GPR183: variants seen among roughly 807,000 people sequenced by gnomAD.
The protein encoded by GPR183 is EBV-induced G-protein coupled receptor 2.
A neutral mutation model predicts 19.7 loss-of-function variants in GPR183; 9 were observed. The ratio of observed to expected loss-of-function variants is 0.46; its 90% CI spans 0.28 to 0.80. The LOEUF (loss-of-function observed/expected upper bound fraction) is 0.80, where lower values mean the gene tolerates loss of function less well. GPR183 is among the 30% of genes least tolerant of loss of function. The probability of loss-of-function intolerance (pLI) is 0.13; values close to 1 mark genes in which losing one functional copy is unlikely to be tolerated. For missense variants in GPR183, 368 were observed against 446.7 expected (o/e 0.82, Z 1.59); for synonymous variants, 160 against 155.1 (o/e 1.03, Z -0.24).
At chr13:99,297,202 G>A (rs2044188961) in intron 1 of GPR183, among the ~76,000 whole-genome samples, 2 of 152,108 alleles carry the variant, frequency 1.3e-5, no homozygotes, top group Admixed American at 1.3e-4. Flanking sequence ...CTACAATAAA[G>A]TTCTGTAGAT....
intron 1 of GPR183, among the ~76,000 whole-genome samples, chr13:99,296,430 G>A (rs150275827): frequency 0.011 from 1,721 of 152,286 alleles, 41 homozygotes; most frequent in African/African-American, 0.039. Context: ...AAAGGAAACA[G>A]AACCATTTAA....
In GPR183 at chr13:99,296,193, G is replaced by A. The variant is rs746786038; in HGVS notation, c.-18-30C>T. 4.6e-6 allele frequency: 7 copies of A among 1,510,650 alleles called. No individual in the cohort carries two copies. The African/African-American group carries it at 7.0e-5, about 15-fold the overall frequency. 93.6% of individuals were successfully genotyped at this position (1,510,650 alleles called of 1,614,324 possible). On this transcript the variant is annotated intron_variant, in intron 1 of 1. Coordinates refer to ENST00000376414, the MANE Select transcript of GPR183 (RefSeq NM_004951.5). Reference sequence around the variant, plus strand: ...AAAAAAACCAAGAAGGATCATATAAGTAAAAGCATATGTATTCAGTTTGAT... The same window carrying A: ...AAAAAAACCAAGAAGGATCATATAAATAAAAGCATATGTATTCAGTTTGAT...
At chr13:99,305,291 CAT>C (rs10540867) in intron 1 of GPR183, among the ~76,000 whole-genome samples, 80,077 of 151,852 alleles carry the variant, frequency 0.53, 23,095 homozygotes, top group Non-Finnish European at 0.67. Context: ...AGGATTCTCA[CAT>C]GTGTTATCTC....
At chr13:99,297,378 A>G (rs1379526271) in intron 1 of GPR183, among the ~76,000 whole-genome samples, 2 of 152,204 alleles carry the variant, frequency 1.3e-5, no homozygotes, top group African/African-American at 4.8e-5. Context: ...TTGCTACTGT[A>G]TATTTAAAGA....
intron 1 of GPR183, among the ~76,000 whole-genome samples, chr13:99,300,807 C>T (rs2044246984): frequency 1.3e-5 from 2 of 152,214 alleles, no homozygotes; most frequent in Non-Finnish European, 2.9e-5. Flanking sequence ...TGCTGGGTTC[C>T]TCCTCATACA....
chr13:99,307,257 TTTTTACC>T (rs2044350181), intron 1 of GPR183, 76 bp downstream of exon 1: 1 of 152,192 alleles, frequency 6.6e-6, no homozygotes, highest in South Asian at 2.1e-4. Flanking sequence ...ATTGTTTTCC[TTTTTACC>T]TTTTACCTTA....
At chr13:99,305,254 C>T (rs1251623916) in intron 1 of GPR183, among the ~76,000 whole-genome samples, 4 of 151,444 alleles carry the variant, frequency 2.6e-5, no homozygotes, top group South Asian at 2.1e-4. Context: ...ACACCACAGC[C>T]ATCTGTGTTA....
rs747691054 is a variant in GPR183 at position 99,295,204 on chromosome 13, C to A, written c.942G>T (p.Gly314=). 3 of 1,614,008 alleles carry A rather than the reference C, an allele frequency of 1.9e-6. No individual in the cohort carries two copies. Among genetic ancestry groups the A allele is most frequent in the Non-Finnish European group, 2.5e-6 (3 of 1,180,026 alleles). The part of the protein sequence containing the change: ...DPFIYFFACK[G]YKRKVMRMLK... ...GCATCCTCATAACCTTTCTCTTATA[C>A]CCTTTACATGCAAAGAAGTAGATAA... Residue 314 remains glycine (G), a synonymous_variant, in exon 2 of 2, where the codon GGG becomes GGT. Transcript: ENST00000376414. The surrounding 1 kb of genome is among the most constrained non-coding windows in gnomAD (Gnocchi z 4.1).
At position 99,295,510 on chromosome 13, in the gene GPR183, A is replaced by G. The variant is rs374222791; in HGVS notation, c.636T>C (p.Ile212=). Residue 212 remains isoleucine (I), a synonymous_variant, in exon 2 of 2, where the codon ATT becomes ATC. Transcript: ENST00000376414. This position sits in a 1 kb window ranked among gnomAD's most constrained non-coding sequence, Gnocchi z 4.1. The part of the protein sequence containing the change: ...FIGYVLPLII[I]LICYSQICCK... ...AGCAGATCTGAGAATAGCAGATGAG[A>G]ATGATTATAAGTGGAAGTACATATC... 220 of 1,613,842 alleles carry G rather than the reference A, an allele frequency of 1.4e-4. No homozygotes were observed. Among genetic ancestry groups the G allele is most frequent in the Non-Finnish European group, 1.8e-4 (211 of 1,180,018 alleles).
chr13:99,301,271 G>A (rs2066530123), intron 1 of GPR183, among the ~76,000 whole-genome samples: 1 of 152,212 alleles, frequency 6.6e-6, no homozygotes, highest in South Asian at 2.1e-4. Context: ...TTCCACCTGT[G>A]GAACAGGGCC....
rs527663619 is a variant in GPR183, at chr13:99,302,059, C to G, written c.-19+5281G>C. Among the ~76,000 whole-genome samples, 362 of 152,308 alleles carry G rather than the reference C, an allele frequency of 2.4e-3. 4 individuals carry two copies. The highest frequency in any genetic ancestry group is 0.011 in the South Asian group (51 of 4,824). Reference sequence around the variant, plus strand: ...GTGACTTCTCTGTAGGTCAAGTCTTCTCTAGAGTCAGCTTATACAGAGAGG... The same window carrying G: ...GTGACTTCTCTGTAGGTCAAGTCTTGTCTAGAGTCAGCTTATACAGAGAGG... On this transcript the variant is annotated intron_variant, in intron 1 of 1. Coordinates refer to ENST00000376414, the MANE Select transcript of GPR183 (RefSeq NM_004951.5).
intron 1 of GPR183, among the ~76,000 whole-genome samples, chr13:99,302,356 G>C (rs891201237): frequency 1.3e-5 from 2 of 152,318 alleles, no homozygotes; most frequent in Admixed American, 6.5e-5. Context: ...AAATTTCAAA[G>C]ATATGGTTCT....
chr13:99,304,943 G>A (rs575232273), intron 1 of GPR183, among the ~76,000 whole-genome samples: 2 of 152,350 alleles, frequency 1.3e-5, no homozygotes, highest in Admixed American at 1.3e-4. Context: ...CTGAACAAGA[G>A]AGACTAGGAG....
intron 1 of GPR183, among the ~76,000 whole-genome samples, chr13:99,305,962 C>T (rs566621162): frequency 6.6e-6 from 1 of 152,282 alleles, no homozygotes; most frequent in South Asian, 2.1e-4. Flanking sequence ...GTGGCGCAAT[C>T]TCGGCTCACT....
rs192239624 is a variant in GPR183 at position 99,296,051 on chromosome 13, A to G, written c.95T>C (p.Ile32Thr). Residue 32 changes from isoleucine to threonine, a missense_variant, in exon 2 of 2, where the codon ATA becomes ACA. By Grantham distance (89) the Ile-to-Thr change is moderately conservative. Coordinates refer to ENST00000376414, the MANE Select transcript of GPR183 (RefSeq NM_004951.5). ...DLYAHHSTAR[I>T]VMPLHYSLVF... ...GAGGCTGTAATGCAGAGGCATTACT[A>G]TCCTGGCCGTGCTGTGATGTGCATA... The G allele has an allele frequency of 5.0e-6, 8 of 1,614,032 alleles. No individual in the cohort carries two copies. In the East Asian group the frequency reaches 1.1e-4, roughly 22 times the overall value.
intron 1 of GPR183, among the ~76,000 whole-genome samples, chr13:99,304,950 G>A (rs1355142731): frequency 6.6e-6 from 1 of 152,186 alleles, no homozygotes; most frequent in African/African-American, 2.4e-5. Flanking sequence ...AGAGAGACTA[G>A]GAGAACTGGG....
chr13:99,296,522 G>C (rs2044176426), intron 1 of GPR183, among the ~76,000 whole-genome samples: 1 of 152,046 alleles, frequency 6.6e-6, no homozygotes, highest in Non-Finnish European at 1.5e-5. Context: ...TTGAATCATT[G>C]TCTGGTTAAG....
intron 1 of GPR183, among the ~76,000 whole-genome samples, chr13:99,298,619 A>G (rs139945409): frequency 0.018 from 2,714 of 152,334 alleles, 29 homozygotes; most frequent in Admixed American, 0.032. Flanking sequence ...GGAAGAAAAC[A>G]ATAGAGATAA....
At chr13:99,299,500 A>T (rs1361775252) in intron 1 of GPR183, among the ~76,000 whole-genome samples, 1 of 152,142 alleles carries the variant, frequency 6.6e-6, no homozygotes, top group Non-Finnish European at 1.5e-5. Flanking sequence ...ATGCCAAAAC[A>T]TAATTTTGTA....
Sources: gnomAD v4.1 joint callset for allele counts (sites outside exome capture counted in the v4.1 genomes callset) on GRCh38, gnomAD v4.1.1 for gene constraint, Gnocchi (gnomAD v3.1) non-coding constraint, MANE v1.5 for transcripts, NCBI Gene and HGNC (gene_info 2026-07-23, HGNC 2026-07-21) for gene names.